The following IYD variants were observed in gnomAD, a reference collection of about 807,000 sequenced individuals.
IYD encodes iodotyrosine deiodinase, also known as iodotyrosine deiodinase 1.
In IYD, 25 loss-of-function variants were observed where a neutral mutation model predicts 28.4. The observed-to-expected ratio is 0.88, with a 90% confidence interval of 0.64 to 1.23. IYD has a LOEUF of 1.23. IYD is among the 50% of genes most tolerant of loss of function. The probability of loss-of-function intolerance (pLI) is 0.00; values close to 1 mark genes in which losing one functional copy is unlikely to be tolerated. For missense variants in IYD, 352 were observed against 357.9 expected (o/e 0.98, Z 0.13); for synonymous variants, 140 against 130.8 (o/e 1.07, Z -0.48).
chr6:150,386,472 G>A (rs979267328), intron 1 of IYD, among the ~76,000 whole-genome samples: 1 of 151,440 alleles, frequency 6.6e-6, no homozygotes, highest in African/African-American at 2.4e-5. Context: ...GGTCCAATAA[G>A]TCTGCTTAAA....
At chr6:150,385,493 A>T (rs200791196) in intron 1 of IYD, among the ~76,000 whole-genome samples, 4 of 15,584 alleles carry the variant, frequency 2.6e-4, no homozygotes, top group Non-Finnish European at 5.6e-4. Flanking sequence ...TTAATGTGAT[A>T]AAAAAAAAAA....
intron 4 of IYD, chr6:150,395,359 A>T: frequency 6.8e-7 from 1 of 1,481,244 alleles, no homozygotes; most frequent in East Asian, 2.5e-5. Context: ...GTTGAATAAC[A>T]CCTCCCAAAA....
At chr6:150,372,245 C>T (rs1167624603) in intron 1 of IYD, among the ~76,000 whole-genome samples, 2 of 151,636 alleles carry the variant, frequency 1.3e-5, no homozygotes, top group East Asian at 3.9e-4. Context: ...AGAGAATCGG[C>T]ATGTGTGTGT....
At chr6:150,376,011 T>C (rs1777432733) in intron 1 of IYD, among the ~76,000 whole-genome samples, 1 of 152,160 alleles carries the variant, frequency 6.6e-6, no homozygotes, top group Non-Finnish European at 1.5e-5. Flanking sequence ...CCATGCTAAA[T>C]GTGAAAAGAT....
rs1370844853 is a variant in IYD at position 150,400,561 on chromosome 6, G to A, written c.*2324G>A. ...AGGATAAAGAAGTTAATGGCATGGT[G>A]GAATAACCAAAATGTGTATCATTCT... On this transcript the variant is annotated 3_prime_UTR_variant, in exon 5 of 5. Transcript: ENST00000344419. The A allele has an allele frequency of 1.3e-5, 2 of 151,186 alleles. No individual in the cohort carries two copies. The highest frequency in any genetic ancestry group is 3.9e-4 in the East Asian group (2 of 5,100). 9.4% of individuals were successfully genotyped at this position (151,186 alleles called of 1,614,324 possible). A position where few individuals can be genotyped will look rare whatever the true frequency, so the allele number is the denominator to read the frequency against.
chr6:150,375,745 G>A (rs1057094477), intron 1 of IYD, among the ~76,000 whole-genome samples: 1 of 152,122 alleles, frequency 6.6e-6, no homozygotes, highest in East Asian at 1.9e-4. Flanking sequence ...GAAGCAGCTG[G>A]GAAAGAGGCA....
At chr6:150,391,020 C>T (rs932070483) in intron 2 of IYD, among the ~76,000 whole-genome samples, 14 of 152,086 alleles carry the variant, frequency 9.2e-5, no homozygotes, top group African/African-American at 3.1e-4. Context: ...GAGCAGATCA[C>T]GAGGTCAAGA....
rs184129070 is a variant in IYD, at chr6:150,393,410, G to A, written c.531-689G>A. On this transcript the variant is annotated intron_variant, in intron 3 of 4. Transcript: ENST00000344419. ...AGTGTAACATACAGATATTCATAGC[G>A]TAAGAGGAGCCATGGAGAAATACAC... 2.1e-4 allele frequency among the ~76,000 whole-genome samples: 32 copies of A among 152,312 alleles called. No individual in the cohort carries two copies. The East Asian group carries it at 3.9e-3, about 18-fold the overall frequency.
At chr6:150,391,152 G>T (rs1372964339) in intron 2 of IYD, among the ~76,000 whole-genome samples, 1 of 151,482 alleles carries the variant, frequency 6.6e-6, no homozygotes, top group African/African-American at 2.4e-5. Context: ...CAGGAGAATC[G>T]CTTGAACCCG....
chr6:150,393,300 C>T (rs916925816), intron 3 of IYD, among the ~76,000 whole-genome samples: 5 of 152,180 alleles, frequency 3.3e-5, no homozygotes, highest in Non-Finnish European at 7.3e-5. Flanking sequence ...TAAAGCGTTA[C>T]CATTTTCCCT....
chr6:150,369,983 C>T (rs757248341), intron 1 of IYD: 1 of 702,080 alleles, frequency 1.4e-6, no homozygotes, highest in Non-Finnish European at 2.6e-6. Context: ...TTATGGCCAC[C>T]TTGAGAAGAA....
At chr6:150,390,587 G>A (rs73617672) in intron 2 of IYD, among the ~76,000 whole-genome samples, 2,539 of 152,258 alleles carry the variant, frequency 0.017, 66 homozygotes, top group African/African-American at 0.058. Flanking sequence ...TGGCAAGCAA[G>A]AACCCCACCA....
At position 150,402,019 on chromosome 6, in the gene IYD, T is replaced by C. The variant is rs554735775; in HGVS notation, c.*3782T>C. The C allele has an allele frequency of 1.3e-5, 2 of 152,340 alleles. No individual in the cohort carries two copies. The highest frequency in any genetic ancestry group is 1.3e-4 in the Admixed American group (2 of 15,306). The allele number at this position is 152,340 out of a possible 1,614,324, so 9.4% of individuals were successfully genotyped here. On this transcript the variant is annotated 3_prime_UTR_variant, in exon 5 of 5. Coordinates refer to ENST00000344419, the MANE Select transcript of IYD (RefSeq NM_203395.3). Reference sequence around the variant, plus strand: ...TCAGTATTGCTGGGTGGTGCCCAAATGCTCCAGTTCTAATGTATTCCCAGG... The same window carrying C: ...TCAGTATTGCTGGGTGGTGCCCAAACGCTCCAGTTCTAATGTATTCCCAGG...
In IYD at chr6:150,394,263, G is replaced by A. The variant is rs1778231043; in HGVS notation, c.687+8G>A. ...CTGCTAGCTGCCCTGCAGGTATGTT[G>A]AGACATCAAGGGTTACAGGGTGGCC... On this transcript the variant is annotated splice_region_variant and intron_variant, in intron 4 of 4. Coordinates refer to ENST00000344419, the MANE Select transcript of IYD (RefSeq NM_203395.3). 1.2e-6 allele frequency: 2 copies of A among 1,614,098 alleles called. No individual in the cohort carries two copies. The highest frequency in any genetic ancestry group is 1.7e-6 in the Non-Finnish European group (2 of 1,179,972).
chr6:150,391,004 C>T (rs547272125), intron 2 of IYD, among the ~76,000 whole-genome samples: 57 of 152,078 alleles, frequency 3.7e-4, no homozygotes, highest in African/African-American at 1.3e-3. Flanking sequence ...TTTGGGAGGC[C>T]GAGGCGAGCA....
intron 3 of IYD, among the ~76,000 whole-genome samples, chr6:150,393,001 G>A (rs1778180524): frequency 1.3e-5 from 2 of 152,096 alleles, no homozygotes; most frequent in African/African-American, 4.8e-5. Flanking sequence ...GGTCTGCTCC[G>A]GGCGCCGAAG....
intron 1 of IYD, among the ~76,000 whole-genome samples, chr6:150,379,090 C>T (rs1188957636): frequency 6.6e-6 from 1 of 152,170 alleles, no homozygotes; most frequent in Non-Finnish European, 1.5e-5. Context: ...CCTGTTCCTC[C>T]TTCCTGCCCA....
At chr6:150,370,709 G>A in intron 1 of IYD, 2 of 972,314 alleles carry the variant, frequency 2.1e-6, no homozygotes, top group Non-Finnish European at 2.4e-6. Flanking sequence ...GGTGGGGGCA[G>A]GTGGGAATGC....
In IYD at chr6:150,398,202, C is replaced by A. The variant is rs1052959039; in HGVS notation, c.835C>A (p.Arg279Ser). ...GGAGGCCACGGTGCCTGACCTCAAG[C>A]GCAAACCTCTGGACCAGATCATGGT... ...SKEATVPDLK[R>S]KPLDQIMVTV The change falls in exon 5 of 5, where the codon CGC (arginine) becomes AGC (serine). Residue 279 changes from arginine to serine, a missense_variant. Physicochemically the swap from Arg to Ser is moderately radical, Grantham distance 110. Coordinates refer to ENST00000344419, the MANE Select transcript of IYD (RefSeq NM_203395.3). 1 of 1,614,036 alleles carries A rather than the reference C, an allele frequency of 6.2e-7. No individual in the cohort carries two copies. The highest frequency in any genetic ancestry group is 8.5e-7 in the Non-Finnish European group (1 of 1,180,036).
Sources: gnomAD v4.1 joint callset for allele counts (sites outside exome capture counted in the v4.1 genomes callset) on GRCh38, gnomAD v4.1.1 for gene constraint, MANE v1.5 for transcripts, NCBI Gene and HGNC (gene_info 2026-07-23, HGNC 2026-07-21) for gene names.